PGM5: variants seen among roughly 807,000 people sequenced by gnomAD.
PGM5 encodes phosphoglucomutase 5.
A neutral mutation model predicts 59.2 loss-of-function variants in PGM5; 23 were observed. That is an observed-to-expected ratio of 0.39 (90% CI 0.28 to 0.55). PGM5 has a LOEUF of 0.55. PGM5 is among the 20% of genes least tolerant of loss of function. The pLI, the probability that PGM5 is intolerant of heterozygous loss-of-function variation, is 0.66. For synonymous variants in PGM5, 214 were observed against 286.0 expected (o/e 0.75, Z 2.54); for missense variants, 574 against 748.3 (o/e 0.77, Z 2.72).
intron 9 of PGM5, among the ~76,000 whole-genome samples, chr9:68,490,171 C>T (rs922925733): frequency 6.6e-6 from 1 of 152,192 alleles, no homozygotes; most frequent in Non-Finnish European, 1.5e-5. Context: ...CTCGATGCAA[C>T]AAACCCCTGG....
In PGM5 at chr9:68,357,283, C is replaced by A. The variant is rs1403673344; in HGVS notation, c.156C>A (p.Ile52=). The A allele has an allele frequency of 4.5e-5, 69 of 1,544,750 alleles. No individual in the cohort carries two copies. Among genetic ancestry groups the A allele is most frequent in the Non-Finnish European group, 5.3e-5 (61 of 1,146,132 alleles). The part of the protein sequence containing the change: ...PNFIQSVLSS[I]DLRDRQGCTM... Reference sequence around the variant, plus strand: ...TTATCCAGAGCGTGCTGTCGTCCATCGACCTGCGCGACCGTCAGGGCTGCA... The same window carrying A: ...TTATCCAGAGCGTGCTGTCGTCCATAGACCTGCGCGACCGTCAGGGCTGCA... The change falls in exon 1 of 11, where the codon ATC becomes ATA. Residue 52 remains isoleucine, a synonymous_variant. Coordinates refer to ENST00000396396, the MANE Select transcript of PGM5 (RefSeq NM_021965.4).
At chr9:68,529,393 C>T (rs1001174132) in intron 10 of PGM5, among the ~76,000 whole-genome samples, 174 bp from the exon 11 acceptor site, 6 of 152,088 alleles carry the variant, frequency 3.9e-5, no homozygotes, top group Non-Finnish European at 8.8e-5. Flanking sequence ...ACTCTCCTGC[C>T]CTGCCCATTC....
chr9:68,480,605 A>G (rs1004021654), intron 8 of PGM5, among the ~76,000 whole-genome samples: 1 of 152,060 alleles, frequency 6.6e-6, no homozygotes, highest in Non-Finnish European at 1.5e-5. Context: ...AGGCTGAGGC[A>G]GGAGAATCGC....
Position 68,529,595 on chromosome 9 carries a change from C to T in PGM5, c.1643C>T (p.Ala548Val). The T allele has an allele frequency of 6.3e-7, 1 of 1,599,460 alleles. No homozygotes were observed. The highest frequency in any genetic ancestry group is 8.5e-7 in the Non-Finnish European group (1 of 1,170,556). Residue 548 changes from alanine (A) to valine (V), a missense_variant, in exon 11 of 11, where the codon GCA becomes GTA. Transcript: ENST00000396396. ...GTGCTGAGCCCTCTCATAGCCATCG[C>T]ACTGAAAATATCCCAGATTCATGAG... ...QAVLSPLIAI[A>V]LKISQIHERT...
intron 8 of PGM5, among the ~76,000 whole-genome samples, chr9:68,479,773 A>C (rs1210889825): frequency 6.6e-6 from 1 of 152,174 alleles, no homozygotes; most frequent in Non-Finnish European, 1.5e-5. Flanking sequence ...TCTCTACTAA[A>C]AATACAAAAA....
Position 68,510,518 on chromosome 9 carries a change from A to G in PGM5, c.1614+11157A>G, listed in dbSNP as rs143662649. ...CCAGTTTTGTGATCTTGGGCAACTT[A>G]ATATCAGTCAAATTGAGATAGATAT... On this transcript the variant is annotated intron_variant, in intron 10 of 10. Transcript: ENST00000396396. Among the ~76,000 whole-genome samples the G allele has an allele frequency of 3.5e-3, 539 of 152,256 alleles. 5 individuals carry two copies. The highest frequency in any genetic ancestry group is 0.012 in the African/African-American group (509 of 41,524).
At chr9:68,383,063 A>G (rs1822117003) in intron 2 of PGM5, among the ~76,000 whole-genome samples, 1 of 151,844 alleles carries the variant, frequency 6.6e-6, no homozygotes, top group Admixed American at 6.6e-5. Context: ...GAGTGAAGAA[A>G]AGGGCTATGT....
At chr9:68,455,478 C>T (rs1173456512) in intron 6 of PGM5, among the ~76,000 whole-genome samples, 1 of 145,670 alleles carries the variant, frequency 6.9e-6, no homozygotes, top group Non-Finnish European at 1.5e-5. Context: ...GTTCATAGTA[C>T]ACAAAGTATA....
intron 6 of PGM5, among the ~76,000 whole-genome samples, chr9:68,444,187 T>C (rs1329243516): frequency 6.6e-6 from 1 of 152,066 alleles, no homozygotes; most frequent in Non-Finnish European, 1.5e-5. Flanking sequence ...TATTGAGCTA[T>C]TTGGAATAAG....
In PGM5 at chr9:68,356,619, A is replaced by G. The variant is rs1417399469; in HGVS notation, c.-509A>G. Among the ~76,000 whole-genome samples, 3 of 152,422 alleles carry G rather than the reference A, an allele frequency of 2.0e-5. No individual in the cohort carries two copies. The highest frequency in any genetic ancestry group is 7.2e-5 in the African/African-American group (3 of 41,606). ...TGGTGTGTGTAGGCTGCGCACTCCCAGGGAGACAGGGAGACGGGCCGGGCG... is the reference window on the plus strand; with the variant it reads ...TGGTGTGTGTAGGCTGCGCACTCCCGGGGAGACAGGGAGACGGGCCGGGCG... On this transcript the variant is annotated 5_prime_UTR_variant, in exon 1 of 11. Coordinates refer to ENST00000396396, the MANE Select transcript of PGM5 (RefSeq NM_021965.4).
rs782012642 is a variant in PGM5, at chr9:68,471,616, T to TAAA, written c.1159+6423_1159+6425dup. 2.9e-4 allele frequency among the ~76,000 whole-genome samples: 39 copies of TAAA among 132,812 alleles called. No homozygotes were observed. In the East Asian group the frequency reaches 6.8e-3, roughly 23 times the overall value. The allele number at this position is 132,812 out of a possible 152,430, so 87.1% of individuals were successfully genotyped here. On this transcript the variant is annotated intron_variant, in intron 7 of 10. Coordinates refer to ENST00000396396, the MANE Select transcript of PGM5 (RefSeq NM_021965.4). ...GTCAACACAAAAAGACCCTGTCTCT[T>TAAA]AAAAAAAAAAAAAAAAAGAGAGACT...
At chr9:68,418,158 G>A (rs782701634) in intron 6 of PGM5, among the ~76,000 whole-genome samples, 17 of 152,134 alleles carry the variant, frequency 1.1e-4, no homozygotes, top group Non-Finnish European at 2.1e-4. Context: ...ACCTGCTGGC[G>A]TGATTCCATT....
chr9:68,425,415 G>C (rs1554682631), intron 6 of PGM5, among the ~76,000 whole-genome samples: 1 of 152,190 alleles, frequency 6.6e-6, no homozygotes, highest in Admixed American at 6.5e-5. Context: ...GCTATTGCTG[G>C]TGATGGAGGG....
intron 6 of PGM5, 127 bp downstream of exon 6, chr9:68,392,600 T>C: frequency 6.9e-7 from 1 of 1,450,760 alleles, no homozygotes; most frequent in Admixed American, 2.4e-5. Flanking sequence ...GGGAACACGG[T>C]ATAGTGTACT....
At chr9:68,471,970 C>CAAAA (rs35694675) in intron 7 of PGM5, among the ~76,000 whole-genome samples, 1 of 128,428 alleles carries the variant, frequency 7.8e-6, no homozygotes, top group African/African-American at 2.9e-5. Flanking sequence ...GCCTTGGTGA[C>CAAAA]AAAAAAAAAA....
chr9:68,509,971 A>T (rs1390218623), intron 10 of PGM5, among the ~76,000 whole-genome samples: 1 of 152,104 alleles, frequency 6.6e-6, no homozygotes, highest in Admixed American at 6.5e-5. Flanking sequence ...AGGCCCCAAG[A>T]TGTCAAAGCA....
intron 7 of PGM5, among the ~76,000 whole-genome samples, chr9:68,475,184 A>ATTTTTTTTTT (rs782687667): frequency 7.7e-4 from 87 of 112,764 alleles, no homozygotes; most frequent in Admixed American, 1.1e-3. Flanking sequence ...TGCCTGGCTA[A>ATTTTTTTTTT]TTTTTTTTTT....
chr9:68,454,258 C>A (rs191291191), intron 6 of PGM5, among the ~76,000 whole-genome samples: 1 of 152,308 alleles, frequency 6.6e-6, no homozygotes, highest in African/African-American at 2.4e-5. Context: ...CCCTGGATTT[C>A]AGTAATGAAT....
At chr9:68,411,664 A>G (rs1443391350) in intron 6 of PGM5, among the ~76,000 whole-genome samples, 2 of 152,096 alleles carry the variant, frequency 1.3e-5, no homozygotes, top group Non-Finnish European at 2.9e-5. Flanking sequence ...GTGTACGAAT[A>G]ATGAAATTCA....
Sources: gnomAD v4.1 joint callset for allele counts (sites outside exome capture counted in the v4.1 genomes callset) on GRCh38, gnomAD v4.1.1 for gene constraint, MANE v1.5 for transcripts, NCBI Gene and HGNC (gene_info 2026-07-23, HGNC 2026-07-21) for gene names.